The following RBFOX1 variants were observed in gnomAD, a reference collection of about 807,000 sequenced individuals.
RBFOX1 encodes RNA binding fox-1 homolog 1, also known as RNA binding protein fox-1 homolog 1.
Under a neutral mutation model 57.7 loss-of-function variants are expected in RBFOX1, and 8 were observed. That is an observed-to-expected ratio of 0.14 (90% CI 0.08 to 0.25). The LOEUF is 0.25. Among genes scored for constraint, RBFOX1 ranks in the 10% least tolerant of loss-of-function variants. The pLI is 1.00. For missense variants in RBFOX1, 611 were observed against 548.5 expected (o/e 1.11, Z -1.14); for synonymous variants, 326 against 222.4 (o/e 1.47, Z -4.15).
At chr16:7,334,460 C>G (rs2096749417) in intron 4 of RBFOX1, among the ~76,000 whole-genome samples, 1 of 152,070 alleles carries the variant, frequency 6.6e-6, no homozygotes, top group Non-Finnish European at 1.5e-5. Context: ...GCTGTTGGAG[C>G]TTTGTCAGAC....
At chr16:5,635,589 C>G (rs1003971859) in intron 3 of RBFOX1, among the ~76,000 whole-genome samples, 10 of 152,252 alleles carry the variant, frequency 6.6e-5, no homozygotes, top group Admixed American at 6.5e-5. Context: ...GTTTTAGCCT[C>G]AAACTTTCTG....
At chr16:7,249,150 G>C (rs1178949872) in intron 4 of RBFOX1, among the ~76,000 whole-genome samples, 6 of 152,212 alleles carry the variant, frequency 3.9e-5, no homozygotes, top group Non-Finnish European at 8.8e-5. Context: ...GGAACAGAAA[G>C]CTGGGGGTTA....
At chr16:7,437,725 CT>C (rs1460313755) in intron 4 of RBFOX1, among the ~76,000 whole-genome samples, 2 of 152,112 alleles carry the variant, frequency 1.3e-5, no homozygotes, top group Non-Finnish European at 2.9e-5. Flanking sequence ...ACTCCTGCAG[CT>C]CTGAGAAGCA....
intron 1 of RBFOX1, among the ~76,000 whole-genome samples, chr16:5,306,975 T>G (rs1375396267): frequency 1.3e-5 from 2 of 152,100 alleles, no homozygotes; most frequent in Non-Finnish European, 2.9e-5. Context: ...GGCAGGCATC[T>G]CAGCAAAACT....
chr16:5,636,717 C>T (rs2048696597), intron 3 of RBFOX1, among the ~76,000 whole-genome samples: 1 of 152,204 alleles, frequency 6.6e-6, no homozygotes, highest in Non-Finnish European at 1.5e-5. Flanking sequence ...ATCTAGGGAA[C>T]TCCGGGCAGT....
intron 4 of RBFOX1, among the ~76,000 whole-genome samples, chr16:7,152,991 G>A (rs983244037): frequency 6.6e-6 from 1 of 152,192 alleles, no homozygotes; most frequent in African/African-American, 2.4e-5. Context: ...TTATTCTTAT[G>A]AAAGAGAGTG....
chr16:5,673,908 C>G (rs1381721154), intron 3 of RBFOX1, among the ~76,000 whole-genome samples: 2 of 152,184 alleles, frequency 1.3e-5, no homozygotes, highest in African/African-American at 4.8e-5. Context: ...TCTTCTGCAT[C>G]AAGGCTGGTT....
At chr16:6,844,441 G>A (rs575090958) in intron 3 of RBFOX1, among the ~76,000 whole-genome samples, 8 of 152,280 alleles carry the variant, frequency 5.3e-5, no homozygotes, top group Admixed American at 3.9e-4. Flanking sequence ...GTAAGAACAT[G>A]TGGTGTTTGG....
chr16:5,569,043 G>A (rs1024856737), intron 2 of RBFOX1, among the ~76,000 whole-genome samples: 1 of 151,620 alleles, frequency 6.6e-6, no homozygotes, highest in Non-Finnish European at 1.5e-5. Flanking sequence ...GTAGAGGCAG[G>A]GTTTCATCAT....
Position 6,891,655 on chromosome 16 carries a change from T to G in RBFOX1, c.-15-160402T>G, listed in dbSNP as rs549849631. Among the ~76,000 whole-genome samples, 9 of 152,302 alleles carry G rather than the reference T, an allele frequency of 5.9e-5. No homozygotes were observed. In the South Asian group the frequency reaches 1.7e-3, roughly 28 times the overall value. ...CTTTCCTTGCTTAATCTCTGCAAGT[T>G]TCAACAAATTGTTAATGTAATGTTT... On this transcript the variant is annotated intron_variant, in intron 3 of 15. Coordinates refer to ENST00000550418, the MANE Select transcript of RBFOX1 (RefSeq NM_018723.4).
intron 4 of RBFOX1, among the ~76,000 whole-genome samples, chr16:7,505,001 A>G (rs1050459389): frequency 6.7e-6 from 1 of 150,240 alleles, no homozygotes; most frequent in South Asian, 2.1e-4. Context: ...AGGATATTCT[A>G]ATGGGGAAAC....
At chr16:7,513,878 T>C (rs776425039) in intron 4 of RBFOX1, among the ~76,000 whole-genome samples, 1 of 152,188 alleles carries the variant, frequency 6.6e-6, no homozygotes, top group Non-Finnish European at 1.5e-5. Context: ...GGATGGAAAG[T>C]AAATTCCCCA....
intron 8 of RBFOX1, 78 bp downstream of exon 8, chr16:7,595,719 C>T: frequency 2.5e-6 from 3 of 1,180,964 alleles, no homozygotes; most frequent in Non-Finnish European, 3.5e-6. Context: ...CCAGATGCAT[C>T]ATTGGCGTCT....
At chr16:7,010,575 A>C (rs1184332920) in intron 3 of RBFOX1, among the ~76,000 whole-genome samples, 1 of 151,100 alleles carries the variant, frequency 6.6e-6, no homozygotes, top group African/African-American at 2.4e-5. Context: ...TTTGAGACAG[A>C]GTTTTTCTCT....
chr16:5,460,705 T>G (rs1266796741), intron 1 of RBFOX1, among the ~76,000 whole-genome samples: 2 of 152,252 alleles, frequency 1.3e-5, no homozygotes, highest in Admixed American at 6.5e-5. Context: ...GGCTGACTGC[T>G]GTTTCCTCCT....
chr16:5,786,695 T>A (rs976773550), intron 3 of RBFOX1, among the ~76,000 whole-genome samples: 1 of 152,194 alleles, frequency 6.6e-6, no homozygotes, highest in African/African-American at 2.4e-5. Flanking sequence ...AGTGCCTCTT[T>A]CCTGCTTTCA....
Position 7,518,309 on chromosome 16 carries a change from A to C in RBFOX1, c.190A>C (p.Asn64His), listed in dbSNP as rs1220322035. Residue 64 changes from asparagine (N) to histidine (H), a missense_variant, in exon 5 of 16, where the codon AAC becomes CAC. Coordinates refer to ENST00000550418, the MANE Select transcript of RBFOX1 (RefSeq NM_018723.4). ...GACCACGGTTCCCGAGCACACATTA[A>C]ACCTGTACCCTCCCGCCCAGACGCA... is the stretch of plus-strand genomic sequence containing the variant. ...GQTTVPEHTL[N>H]LYPPAQTHSE... is the part of the protein sequence containing the mutation. 1.9e-6 allele frequency: 3 copies of C among 1,614,062 alleles called. No individual in the cohort carries two copies. The South Asian group carries it at 3.3e-5, about 18-fold the overall frequency.
intron 3 of RBFOX1, among the ~76,000 whole-genome samples, chr16:6,785,023 C>G (rs1187515384): frequency 6.6e-6 from 1 of 151,702 alleles, no homozygotes; most frequent in East Asian, 1.9e-4. Context: ...TGTTGCACTT[C>G]TGAGTGAAAA....
intron 3 of RBFOX1, among the ~76,000 whole-genome samples, chr16:7,047,047 C>CCT (rs574782599): frequency 1.6e-5 from 2 of 124,452 alleles, no homozygotes; most frequent in African/African-American, 5.8e-5. Flanking sequence ...ATGCAATTTC[C>CCT]TTTTTTTTTT....
Sources: gnomAD v4.1 joint callset for allele counts (sites outside exome capture counted in the v4.1 genomes callset) on GRCh38, gnomAD v4.1.1 for gene constraint, MANE v1.5 for transcripts, NCBI Gene and HGNC (gene_info 2026-07-23, HGNC 2026-07-21) for gene names.